The following BMP8A variants were observed in gnomAD, a reference collection of about 807,000 sequenced individuals.
BMP8A encodes bone morphogenetic protein 8a.
BMP8A carries 14 observed loss-of-function variants against 36.8 expected under a neutral mutation model. The observed-to-expected ratio is 0.38, with a 90% CI of 0.25 to 0.60. BMP8A has a LOEUF of 0.60. Ranked by LOEUF, BMP8A falls within the 20% of genes least tolerant of loss-of-function variation. BMP8A has a pLI of 0.63. For missense variants in BMP8A, 267 were observed against 551.1 expected (o/e 0.48, Z 5.16); for synonymous variants, 120 against 237.7 (o/e 0.50, Z 4.55).
intron 1 of BMP8A, among the ~76,000 whole-genome samples, chr1:39,498,077 A>G (rs1202957853): frequency 1.3e-5 from 2 of 152,206 alleles, no homozygotes; most frequent in Non-Finnish European, 2.9e-5. Context: ...GTGAACATCC[A>G]CATCAGAGGT....
chr1:39,496,178 C>G (rs1320502730), intron 1 of BMP8A, among the ~76,000 whole-genome samples: 1 of 135,868 alleles, frequency 7.4e-6, no homozygotes, highest in Non-Finnish European at 1.6e-5. Context: ...ATTCATTCAG[C>G]AAATAGTTCT....
rs557663367 is a variant in BMP8A, at chr1:39,516,997, C to CT, written c.674-4370dup. Among the ~76,000 whole-genome samples the CT allele has an allele frequency of 3.7e-3, 554 of 150,194 alleles. 9 individuals carry two copies. Among genetic ancestry groups the CT allele is most frequent in the South Asian group, 9.9e-3 (47 of 4,760 alleles). ...TTCTTTTTCCTTCTCTTTCTTTTTT[C>CT]TTTTTTTTTGAGGCAGGGTCTGGCT... On this transcript the variant is annotated intron_variant, in intron 3 of 6. Transcript: ENST00000331593.
chr1:39,515,151 C>A, intron 3 of BMP8A: 1 of 1,552,918 alleles, frequency 6.4e-7, no homozygotes, highest in South Asian at 1.2e-5. Flanking sequence ...GGGCTTCGGG[C>A]TCTGCGGGAT....
chr1:39,492,339 C>T lies in BMP8A; in HGVS notation c.334+14C>T, dbSNP rs774149007. The T allele has an allele frequency of 2.6e-6, 4 of 1,542,018 alleles. No individual in the cohort carries two copies. Among genetic ancestry groups the T allele is most frequent in the East Asian group, 5.0e-5 (2 of 40,232 alleles). ...TCGTCAACATGGGTGAGTGCGGCCGCCCGCGCGGGGACCCTCGGAGTAAGC... is the reference window on the plus strand; with the variant it reads ...TCGTCAACATGGGTGAGTGCGGCCGTCCGCGCGGGGACCCTCGGAGTAAGC... On this transcript the variant is annotated intron_variant, in intron 1 of 6. Coordinates refer to ENST00000331593, the MANE Select transcript of BMP8A (RefSeq NM_181809.4).
chr1:39,501,344 T>C (rs964148791), intron 1 of BMP8A, among the ~76,000 whole-genome samples: 1 of 152,196 alleles, frequency 6.6e-6, no homozygotes, highest in African/African-American at 2.4e-5. Context: ...AGGGGTATAT[T>C]ATCTGTACTG....
At chr1:39,510,736 A>T (rs1194797438) in intron 1 of BMP8A, among the ~76,000 whole-genome samples, 1 of 152,136 alleles carries the variant, frequency 6.6e-6, no homozygotes, top group African/African-American at 2.4e-5. Flanking sequence ...GCCGTCGGTT[A>T]TGTCGGTTAT....
intron 6 of BMP8A, 57 bp from the exon 7 acceptor site, chr1:39,525,592 G>T: frequency 5.0e-6 from 8 of 1,596,586 alleles, no homozygotes; most frequent in Non-Finnish European, 6.8e-6. Flanking sequence ...GGGCTAGGTG[G>T]GTCCTCAGAG....
intron 1 of BMP8A, among the ~76,000 whole-genome samples, chr1:39,497,064 C>G (rs1645211268): frequency 6.6e-6 from 1 of 152,178 alleles, no homozygotes; most frequent in South Asian, 2.1e-4. Context: ...TAGTCTTTGA[C>G]TCAGCATGCT....
chr1:39,503,396 G>A (rs889258028), intron 1 of BMP8A, among the ~76,000 whole-genome samples: 2 of 151,366 alleles, frequency 1.3e-5, no homozygotes, highest in African/African-American at 4.9e-5. Flanking sequence ...TCATGTCTAT[G>A]ATCCCAGCAA....
chr1:39,523,055 G>T lies in BMP8A; in HGVS notation c.997G>T (p.Glu333Ter), dbSNP rs763362758. Residue 333 changes from glutamate to a stop codon, truncating the protein, a stop_gained, in exon 6 of 7, where the codon GAG becomes TAG. Coordinates refer to ENST00000331593, the MANE Select transcript of BMP8A (RefSeq NM_181809.4). LOFTEE classifies it high-confidence loss of function. ...QGYSAYYCEG[E>*]CSFPLDSCMN... ...CTACTCAGCCTATTACTGTGAGGGG[G>T]AGTGCTCCTTCCCGCTGGACTCCTG... 1 of 1,613,876 alleles carries T rather than the reference G, an allele frequency of 6.2e-7. No individual in the cohort carries two copies. Among genetic ancestry groups the T allele is most frequent in the Non-Finnish European group, 8.5e-7 (1 of 1,179,874 alleles).
At chr1:39,498,470 T>C (rs1048939637) in intron 1 of BMP8A, among the ~76,000 whole-genome samples, 8 of 152,192 alleles carry the variant, frequency 5.3e-5, no homozygotes, top group Non-Finnish European at 1.0e-4. Flanking sequence ...CTCTTTTAAT[T>C]TGGGGTCCAG....
Position 39,492,075 on chromosome 1 carries a change from G to T in BMP8A, c.84G>T (p.Pro28=). The change falls in exon 1 of 7, where the codon CCG becomes CCT. Residue 28 remains proline (P), a synonymous_variant. Transcript: ENST00000331593. ...LGGGGPGLRP[P]PGCPQRRLGA... ...GGGGCGGCCCCGGCCTGCGACCCCC[G>T]CCCGGCTGTCCCCAGCGACGTCTGG... is the stretch of plus-strand genomic sequence containing the variant. The T allele has an allele frequency of 8.9e-7, 1 of 1,128,892 alleles. No individual in the cohort carries two copies. Among genetic ancestry groups the T allele is most frequent in the Non-Finnish European group, 1.1e-6 (1 of 924,704 alleles). The allele number at this position is 1,128,892 out of a possible 1,614,324, so 69.9% of individuals were successfully genotyped here.
chr1:39,525,883 G>A lies in BMP8A; in HGVS notation c.*85G>A. The A allele has an allele frequency of 2.5e-6, 4 of 1,581,540 alleles. No homozygotes were observed. The South Asian group carries it at 4.5e-5, about 18-fold the overall frequency. On this transcript the variant is annotated 3_prime_UTR_variant, in exon 7 of 7. Coordinates refer to ENST00000331593, the MANE Select transcript of BMP8A (RefSeq NM_181809.4). ...CAGAAAACCCTTAAATGCTGTCACA[G>A]CTCAAGCAGGAGTGTCAGGGGCCCT...
chr1:39,499,599 G>T (rs1268067082), intron 1 of BMP8A, among the ~76,000 whole-genome samples: 1 of 152,232 alleles, frequency 6.6e-6, no homozygotes, highest in Admixed American at 6.5e-5. Flanking sequence ...GGAGTGGCTG[G>T]TGGCCATGCC....
rs1048905722 is a variant in BMP8A, at chr1:39,529,446, C to A, written c.*3648C>A. Among the ~76,000 whole-genome samples the A allele has an allele frequency of 7.2e-5, 11 of 152,252 alleles. No homozygotes were observed. Among genetic ancestry groups the A allele is most frequent in the Non-Finnish European group, 1.6e-4 (11 of 68,046 alleles). On this transcript the variant is annotated 3_prime_UTR_variant, in exon 7 of 7. Transcript: ENST00000331593. ...AGGAAGTGGCAGGTGTGCGGCCCTG[C>A]CCTGGCCCCGTAGTGAGTGTGGGGC... is the stretch of plus-strand genomic sequence containing the variant.
rs923077342 is a variant in BMP8A at position 39,529,272 on chromosome 1, T to C, written c.*3474T>C. On this transcript the variant is annotated 3_prime_UTR_variant, in exon 7 of 7. Transcript: ENST00000331593. ...AAACCCACTCCTCCCAGAATATGCT[T>C]AGAGGTGCTGCTGTATTTACCTGAG... 1 of 152,282 alleles carries C rather than the reference T, an allele frequency of 6.6e-6. No individual in the cohort carries two copies. Among genetic ancestry groups the C allele is most frequent in the Non-Finnish European group, 1.5e-5 (1 of 68,060 alleles). 9.4% of individuals were successfully genotyped at this position (152,282 alleles called of 1,614,324 possible). A position where few individuals can be genotyped will look rare whatever the true frequency, so the allele number is the denominator to read the frequency against.
intron 1 of BMP8A, among the ~76,000 whole-genome samples, chr1:39,508,250 C>CA (rs59060705): frequency 5.2e-4 from 71 of 136,796 alleles, no homozygotes; most frequent in African/African-American, 1.8e-3. Flanking sequence ...GACTCCGTCT[C>CA]AAAAAAAAAA....
At chr1:39,500,252 A>G (rs980599475) in intron 1 of BMP8A, among the ~76,000 whole-genome samples, 23 of 152,044 alleles carry the variant, frequency 1.5e-4, no homozygotes, top group Admixed American at 6.5e-4. Context: ...CTTACTTTCC[A>G]GGTTTTAGAC....
In BMP8A at chr1:39,492,076, C is replaced by G. The variant is rs560746736; in HGVS notation, c.85C>G (p.Pro29Ala). ...GGGCGGCCCCGGCCTGCGACCCCCG[C>G]CCGGCTGTCCCCAGCGACGTCTGGG... is the stretch of plus-strand genomic sequence containing the variant. ...GGGGPGLRPP[P>A]GCPQRRLGAR... Residue 29 changes from proline to alanine, a missense_variant, in exon 1 of 7, where the codon CCC becomes GCC. This residue lies in a region of BMP8A where 56 missense variants were observed against 74.1 expected (regional missense o/e 0.76). Coordinates refer to ENST00000331593, the MANE Select transcript of BMP8A (RefSeq NM_181809.4). The G allele has an allele frequency of 1.9e-4, 219 of 1,130,462 alleles. 2 individuals carry two copies. The East Asian group carries it at 0.01, about 52-fold the overall frequency. 70.0% of individuals were successfully genotyped at this position (1,130,462 alleles called of 1,614,324 possible). A position where few individuals can be genotyped will look rare whatever the true frequency, so the allele number is the denominator to read the frequency against.
Sources: allele counts gnomAD v4.1 joint callset (sites outside exome capture counted in the v4.1 genomes callset), GRCh38; gene constraint gnomAD v4.1.1; regional missense constraint gnomAD v4.1.1; transcripts MANE v1.5; gene names NCBI Gene and HGNC (gene_info 2026-07-23, HGNC 2026-07-21).